The following CAMK1D variants were observed in gnomAD, a reference collection of about 807,000 sequenced individuals.
The protein encoded by CAMK1D is calcium/calmodulin-dependent protein kinase type 1D.
CAMK1D carries 9 observed loss-of-function variants against 47.7 expected under a neutral mutation model. The observed-to-expected ratio is 0.19, with a 90% CI of 0.11 to 0.33. The LOEUF is 0.33. Among genes scored for constraint, CAMK1D ranks in the 10% least tolerant of loss-of-function variants. The pLI is 1.00. For synonymous variants in CAMK1D, 184 were observed against 184.9 expected (o/e 0.99, Z 0.04); for missense variants, 291 against 488.7 (o/e 0.60, Z 3.81).
chr10:12,656,790 A>G (rs1043011768), intron 2 of CAMK1D, among the ~76,000 whole-genome samples: 1 of 152,200 alleles, frequency 6.6e-6, no homozygotes, highest in African/African-American at 2.4e-5. Context: ...GAAGTGGCCT[A>G]TGGTCTACAA....
At chr10:12,707,301 T>C (rs574551041) in intron 3 of CAMK1D, among the ~76,000 whole-genome samples, 7 of 152,350 alleles carry the variant, frequency 4.6e-5, no homozygotes, top group African/African-American at 1.7e-4. Flanking sequence ...GAAGTAGTAT[T>C]ATAATCATGT....
At chr10:12,373,863 T>C (rs976042636) in intron 1 of CAMK1D, among the ~76,000 whole-genome samples, 1 of 147,884 alleles carries the variant, frequency 6.8e-6, no homozygotes. Context: ...TCACTGGAGG[T>C]CAGGAGTTCG....
intron 3 of CAMK1D, among the ~76,000 whole-genome samples, chr10:12,731,903 G>A (rs1205729655): frequency 1.3e-5 from 2 of 152,090 alleles, no homozygotes; most frequent in Non-Finnish European, 2.9e-5. Flanking sequence ...CCACAAACCC[G>A]AATGGACGAT....
intron 2 of CAMK1D, among the ~76,000 whole-genome samples, chr10:12,599,524 G>C (rs939034592): frequency 6.6e-6 from 1 of 152,170 alleles, no homozygotes; most frequent in African/African-American, 2.4e-5. Context: ...AAAGTAAGAA[G>C]AAAAGAGCCA....
intron 3 of CAMK1D, among the ~76,000 whole-genome samples, chr10:12,689,902 A>T (rs539055068): frequency 6.6e-6 from 1 of 152,200 alleles, no homozygotes; most frequent in Non-Finnish European, 1.5e-5. Flanking sequence ...TTTATGGTTC[A>T]TTCTGGTTTG....
At chr10:12,382,436 A>G (rs1233838368) in intron 1 of CAMK1D, among the ~76,000 whole-genome samples, 2 of 152,118 alleles carry the variant, frequency 1.3e-5, no homozygotes, top group African/African-American at 2.4e-5. Context: ...GATCTTTCAT[A>G]TGAAATACTC....
chr10:12,391,829 A>G (rs1156968605), intron 1 of CAMK1D, among the ~76,000 whole-genome samples: 3 of 152,318 alleles, frequency 2.0e-5, no homozygotes, highest in African/African-American at 4.8e-5. Context: ...CCTCAGAACA[A>G]TCTGGGGTAT....
intron 2 of CAMK1D, among the ~76,000 whole-genome samples, chr10:12,588,079 G>A (rs1837874341): frequency 6.6e-6 from 1 of 152,108 alleles, no homozygotes; most frequent in South Asian, 2.1e-4. Flanking sequence ...TATAAAGTAA[G>A]TGAATATTTC....
At chr10:12,404,726 A>G (rs1203820220) in intron 1 of CAMK1D, among the ~76,000 whole-genome samples, 3 of 149,774 alleles carry the variant, frequency 2.0e-5, no homozygotes, top group African/African-American at 7.4e-5. Context: ...ATGGAGTCTC[A>G]CTCTGTCACC....
At chr10:12,547,562 T>C (rs1164622978) in intron 1 of CAMK1D, among the ~76,000 whole-genome samples, 4 of 151,910 alleles carry the variant, frequency 2.6e-5, no homozygotes, top group Non-Finnish European at 5.9e-5. Context: ...CCTTGGAATG[T>C]ATGTTCTTGG....
intron 2 of CAMK1D, among the ~76,000 whole-genome samples, chr10:12,613,347 C>T (rs558359094): frequency 6.6e-6 from 1 of 152,170 alleles, no homozygotes; most frequent in African/African-American, 2.4e-5. Context: ...TGTGGCATTA[C>T]ACGAGACTGT....
intron 1 of CAMK1D, among the ~76,000 whole-genome samples, chr10:12,429,718 A>G (rs1004213730): frequency 2.0e-5 from 3 of 152,126 alleles, no homozygotes; most frequent in Admixed American, 6.5e-5. Flanking sequence ...CCCTTAGCAC[A>G]TGGGCTGACA....
At chr10:12,755,245 G>A (rs939525085) in intron 3 of CAMK1D, among the ~76,000 whole-genome samples, 1 of 152,142 alleles carries the variant, frequency 6.6e-6, no homozygotes, top group African/African-American at 2.4e-5. Context: ...CCAGGAGCAG[G>A]GAGTGTGTGT....
At chr10:12,643,381 T>TG (rs1198486996) in intron 2 of CAMK1D, among the ~76,000 whole-genome samples, 1 of 152,164 alleles carries the variant, frequency 6.6e-6, no homozygotes, top group Admixed American at 6.5e-5. Flanking sequence ...ACCCTATCTG[T>TG]GGGCTGTTAG....
chr10:12,813,267 C>T (rs750061570), intron 6 of CAMK1D, among the ~76,000 whole-genome samples: 5 of 152,200 alleles, frequency 3.3e-5, no homozygotes, highest in Admixed American at 6.5e-5. Context: ...CACAACCCTC[C>T]GCATACTCAG....
At chr10:12,578,962 C>T (rs1344192154) in intron 2 of CAMK1D, 2 of 152,522 alleles carry the variant, frequency 1.3e-5, no homozygotes, top group Non-Finnish European at 2.9e-5. Context: ...AATGTGCAGT[C>T]TAGTGGGTGC....
At chr10:12,490,587 G>A (rs1349781219) in intron 1 of CAMK1D, among the ~76,000 whole-genome samples, 2 of 152,198 alleles carry the variant, frequency 1.3e-5, no homozygotes, top group African/African-American at 2.4e-5. Context: ...GGCGGCTCAC[G>A]CCTGTAATCC....
chr10:12,350,865 C>T (rs960224374), intron 1 of CAMK1D, among the ~76,000 whole-genome samples: 2 of 152,192 alleles, frequency 1.3e-5, no homozygotes, highest in African/African-American at 4.8e-5. Context: ...TGTGGATTCA[C>T]GCACAGGTGT....
intron 3 of CAMK1D, among the ~76,000 whole-genome samples, chr10:12,668,607 A>G (rs1840507235): frequency 6.6e-6 from 1 of 152,200 alleles, no homozygotes; most frequent in African/African-American, 2.4e-5. Flanking sequence ...TAATCTCACA[A>G]TATTAGGTCT....
Sources: allele counts gnomAD v4.1 joint callset (sites outside exome capture counted in the v4.1 genomes callset), GRCh38; gene constraint gnomAD v4.1.1; transcripts MANE v1.5; gene names NCBI Gene and HGNC (gene_info 2026-07-23, HGNC 2026-07-21).